Variants in CDC42 observed in about 807,000 individuals in gnomAD.
CDC42 encodes the protein cell division cycle 42.
A neutral mutation model predicts 20.8 loss-of-function variants in CDC42; 1 was observed. The observed-to-expected ratio is 0.05, with a 90% confidence interval of 0.02 to 0.23. The LOEUF (loss-of-function observed/expected upper bound fraction) is 0.23, where lower values mean the gene tolerates loss of function less well. Ranked by LOEUF, CDC42 falls within the 10% of genes least tolerant of loss-of-function variation. The probability of loss-of-function intolerance (pLI) is 1.00; values close to 1 mark genes in which losing one functional copy is unlikely to be tolerated. For synonymous variants in CDC42, 72 were observed against 84.8 expected, an observed-to-expected ratio of 0.85 and a Z score of 0.83; for missense variants, 49 against 227.9, an observed-to-expected ratio of 0.21 and a Z score of 5.05.
chr1:22,085,675 C>T lies in CDC42; in HGVS notation c.179-764C>T, dbSNP rs569084294. Reference sequence around the variant, plus strand: ...TAAGTATTTTTATTATTTTGAGTATCGATTAATTCTTGCTAAATTTGTTTT... The same window carrying T: ...TAAGTATTTTTATTATTTTGAGTATTGATTAATTCTTGCTAAATTTGTTTT... On this transcript the variant is annotated intron_variant, in intron 3 of 5. Coordinates refer to ENST00000656825, the MANE Select transcript of CDC42 (RefSeq NM_001791.4). Among the ~76,000 whole-genome samples, 4 of 152,128 alleles carry T rather than the reference C, an allele frequency of 2.6e-5. No homozygotes were observed. The East Asian group carries it at 5.8e-4, about 22-fold the overall frequency.
At chr1:22,085,369 G>A (rs542915614) in intron 3 of CDC42, among the ~76,000 whole-genome samples, 1 of 152,158 alleles carries the variant, frequency 6.6e-6, no homozygotes, top group South Asian at 2.1e-4. Flanking sequence ...CTTGTAGTAA[G>A]TTTTGAAATC....
At chr1:22,084,410 A>G (rs17435530) in intron 3 of CDC42, among the ~76,000 whole-genome samples, 3,068 of 103,290 alleles carry the variant, frequency 0.03, 108 homozygotes, top group African/African-American at 0.1. Context: ...TGTGGTTTTG[A>G]TTTGTATTTC....
chr1:22,078,111 T>C (rs2124003957), intron 1 of CDC42, among the ~76,000 whole-genome samples: 1 of 152,294 alleles, frequency 6.6e-6, no homozygotes, highest in East Asian at 1.9e-4. Context: ...CAAAATAATA[T>C]TTAGCACACT....
rs1051968744 is a variant in CDC42, at chr1:22,052,738, C to G, written c.-55C>G. 2.0e-5 allele frequency: 3 copies of G among 152,896 alleles called. No homozygotes were observed. The highest frequency in any genetic ancestry group is 6.5e-5 in the Admixed American group (1 of 15,288). 9.5% of individuals were successfully genotyped at this position (152,896 alleles called of 1,614,324 possible). On this transcript the variant is annotated 5_prime_UTR_variant, in exon 1 of 6. Coordinates refer to ENST00000656825, the MANE Select transcript of CDC42 (RefSeq NM_001791.4). The stretch of plus-strand genomic sequence containing the variant: ...TGCTGCCAACGCCCCGGTGGAGAAG[C>G]TGAGGTGAGTGCGGGGCCCGAGGTT...
intron 2 of CDC42, chr1:22,078,861 T>C (rs1445021225): frequency 3.0e-6 from 4 of 1,338,210 alleles, no homozygotes; most frequent in Non-Finnish European, 3.9e-6. Flanking sequence ...TGGTGAAGTA[T>C]GCCCTACATC....
Position 22,081,714 on chromosome 1 carries a change from GT to G in CDC42, c.106-3del. On this transcript the variant is annotated splice_region_variant and splice_polypyrimidine_tract_variant and intron_variant, in intron 2 of 5. Transcript: ENST00000656825. ...CACACTAACAGTGTTGTATTTTTTT[GT>G]TTTTAGGTTTTTGACAACTATGCAG... 3.1e-6 allele frequency: 5 copies of G among 1,596,982 alleles called. No individual in the cohort carries two copies. Among genetic ancestry groups the G allele is most frequent in the South Asian group, 2.2e-5 (2 of 90,344 alleles).
chr1:22,061,052 G>A (rs1331268171), intron 1 of CDC42, among the ~76,000 whole-genome samples: 1 of 152,206 alleles, frequency 6.6e-6, no homozygotes, highest in East Asian at 1.9e-4. Context: ...AGTAAGGCCT[G>A]TGTGGCTTAG....
intron 1 of CDC42, among the ~76,000 whole-genome samples, chr1:22,057,109 G>C (rs965378281): frequency 6.6e-6 from 1 of 152,244 alleles, no homozygotes; most frequent in Non-Finnish European, 1.5e-5. Context: ...GGTATGTGCA[G>C]TCTAAGTAAC....
At chr1:22,090,175 T>C (rs1284433002) in intron 5 of CDC42, 4 of 1,343,326 alleles carry the variant, frequency 3.0e-6, no homozygotes, top group Non-Finnish European at 3.8e-6. Flanking sequence ...TCTGTATTAG[T>C]TTTTGATCAA....
At position 22,084,388 on chromosome 1, in the gene CDC42, G is replaced by A. The variant is rs17435523; in HGVS notation, c.179-2051G>A. ...TTGTAGCCATCCTAATTAGTGTGAG[G>A]TGGTATCTAATTGTGGTTTTGATTT... On this transcript the variant is annotated intron_variant, in intron 3 of 5. Transcript: ENST00000656825. Among the ~76,000 whole-genome samples the A allele has an allele frequency of 1.6e-3, 225 of 142,350 alleles. 2 individuals are homozygous for A. Among genetic ancestry groups the A allele is most frequent in the Admixed American group, 0.014 (192 of 13,910 alleles). 93.4% of individuals were successfully genotyped at this position (142,350 alleles called of 152,430 possible).
intron 1 of CDC42, chr1:22,063,894 A>G (rs1253658173): frequency 6.6e-6 from 1 of 151,850 alleles, no homozygotes; most frequent in Non-Finnish European, 1.5e-5. Flanking sequence ...TACTTTTTGT[A>G]TTTTTAGTAG....
intron 1 of CDC42, among the ~76,000 whole-genome samples, chr1:22,075,840 C>T (rs1557900861): frequency 6.6e-6 from 1 of 152,142 alleles, no homozygotes; most frequent in Non-Finnish European, 1.5e-5. Context: ...TAACAGGGGA[C>T]TCACAACCAA....
intron 1 of CDC42, among the ~76,000 whole-genome samples, chr1:22,066,442 G>A (rs1331493564): frequency 6.6e-6 from 1 of 152,140 alleles, no homozygotes; most frequent in Non-Finnish European, 1.5e-5. Context: ...AATTACTCCT[G>A]TGATTCATTT....
At chr1:22,079,465 T>A (rs1645586852) in intron 2 of CDC42, among the ~76,000 whole-genome samples, 1 of 151,978 alleles carries the variant, frequency 6.6e-6, no homozygotes, top group Non-Finnish European at 1.5e-5. Flanking sequence ...AATCAACTCT[T>A]TGGAATGGTA....
intron 2 of CDC42, 121 bp from the exon 3 acceptor site, chr1:22,081,601 A>G: frequency 1.6e-6 from 1 of 641,914 alleles, no homozygotes; most frequent in Admixed American, 2.8e-5. Flanking sequence ...TATAAGGATG[A>G]TGGATGGACT....
At chr1:22,061,031 G>A (rs2152826848) in intron 1 of CDC42, among the ~76,000 whole-genome samples, 1 of 152,254 alleles carries the variant, frequency 6.6e-6, no homozygotes, top group South Asian at 2.1e-4. Context: ...GAGGGTAGGG[G>A]ATAATTTTAG....
chr1:22,071,231 C>T (rs1002352901), intron 1 of CDC42, among the ~76,000 whole-genome samples: 9 of 151,372 alleles, frequency 5.9e-5, no homozygotes, highest in African/African-American at 1.7e-4. Flanking sequence ...TTTTTAGTAG[C>T]GTCGGGGTTT....
At chr1:22,068,544 T>G (rs1486837271) in intron 1 of CDC42, 1 of 152,938 alleles carries the variant, frequency 6.5e-6, no homozygotes, top group Non-Finnish European at 1.5e-5. Context: ...AATTTCTGCT[T>G]TGTTCTTAGT....
intron 3 of CDC42, among the ~76,000 whole-genome samples, chr1:22,084,666 G>A (rs2501262): frequency 0.95 from 143,767 of 151,980 alleles, 68,090 homozygotes; most frequent in East Asian, 1. Flanking sequence ...AATTTTCACA[G>A]CTTCATGAAG....
Sources: allele counts gnomAD v4.1 joint callset (sites outside exome capture counted in the v4.1 genomes callset), GRCh38; gene constraint gnomAD v4.1.1; transcripts MANE v1.5; gene names NCBI Gene and HGNC (gene_info 2026-07-23, HGNC 2026-07-21).